Variants in TMEM123 observed in about 807,000 individuals in gnomAD.
The protein encoded by TMEM123 is porimin.
A neutral mutation model predicts 19.7 loss-of-function variants in TMEM123; 16 were observed. That is an observed-to-expected ratio of 0.81 (90% CI 0.55 to 1.23). The LOEUF (loss-of-function observed/expected upper bound fraction) is 1.23. TMEM123 is among the 50% of genes most tolerant of loss of function. TMEM123 has a pLI of 0.00. For missense variants in TMEM123, 313 were observed against 257.8 expected, an observed-to-expected ratio of 1.21 and a Z score of -1.47; for synonymous variants, 118 against 99.4, an observed-to-expected ratio of 1.19 and a Z score of -1.12.
chr11:102,399,632 TATG>T (rs1951892582), intron 4 of TMEM123, among the ~76,000 whole-genome samples: 2 of 152,358 alleles, frequency 1.3e-5, no homozygotes, highest in African/African-American at 4.8e-5. Flanking sequence ...GTGAGTTTGA[TATG>T]ATAAATATAT....
At chr11:102,438,876 G>T (rs1002345756) in intron 2 of TMEM123, among the ~76,000 whole-genome samples, 1 of 152,152 alleles carries the variant, frequency 6.6e-6, no homozygotes, top group Admixed American at 6.5e-5. Context: ...AGAAAATCGG[G>T]ACACTCCCAC....
At chr11:102,405,969 A>C (rs1951952595) in intron 2 of TMEM123, among the ~76,000 whole-genome samples, 1 of 152,224 alleles carries the variant, frequency 6.6e-6, no homozygotes, top group African/African-American at 2.4e-5. Flanking sequence ...TGGATGACCC[A>C]ATCTTCTTCT....
Position 102,401,912 on chromosome 11 carries a change from A to T in TMEM123, c.448+4T>A. 2 of 1,612,846 alleles carry T rather than the reference A, an allele frequency of 1.2e-6. No homozygotes were observed. The highest frequency in any genetic ancestry group is 1.7e-6 in the Non-Finnish European group (2 of 1,179,084). ...GGAAAAAAAAGGTCAGCTTTAATAC[A>T]TACTTGTTACTGATGAAGCAGCAGA... is the stretch of plus-strand genomic sequence containing the variant. On this transcript the variant is annotated splice_donor_region_variant and intron_variant, in intron 3 of 4. Coordinates refer to ENST00000398136, the MANE Select transcript of TMEM123 (RefSeq NM_052932.3).
rs57729827 is a variant in TMEM123 at position 102,426,859 on chromosome 11, TCCC to T, written c.157+21950_157+21952del. On this transcript the variant is annotated intron_variant, in intron 2 of 4. Coordinates refer to ENST00000398136, the MANE Select transcript of TMEM123 (RefSeq NM_052932.3). ...CATGGCTTAATGTTTTTAAAGTAGT[TCCC>T]CCCCCCCCCCCATTTATTGCTCAAA... is the stretch of plus-strand genomic sequence containing the variant. Among the ~76,000 whole-genome samples the T allele has an allele frequency of 6.8e-3, 28 of 4,136 alleles. 4 individuals carry two copies. The highest frequency in any genetic ancestry group is 0.017 in the African/African-American group (27 of 1,568). 2.7% of individuals were successfully genotyped at this position (4,136 alleles called of 152,430 possible). A position where few individuals can be genotyped will look rare whatever the true frequency, so the allele number is the denominator to read the frequency against.
At chr11:102,403,670 T>C (rs746245586) in intron 2 of TMEM123, among the ~76,000 whole-genome samples, 2 of 152,218 alleles carry the variant, frequency 1.3e-5, no homozygotes, top group Non-Finnish European at 2.9e-5. Flanking sequence ...ATATTGAAAT[T>C]TGATCTCCAA....
chr11:102,449,046 G>T, intron 1 of TMEM123, 178 bp from the exon 2 acceptor site: 2 of 587,600 alleles, frequency 3.4e-6, no homozygotes, highest in Non-Finnish European at 3.0e-6. Context: ...GTCAGTAAAA[G>T]GGACTGTATT....
chr11:102,424,204 G>A (rs921719527), intron 2 of TMEM123, among the ~76,000 whole-genome samples: 6 of 152,172 alleles, frequency 3.9e-5, no homozygotes, highest in Admixed American at 6.5e-5. Flanking sequence ...CTCAAGTGTA[G>A]GAACAAAGAC....
chr11:102,429,101 A>G (rs944188226), intron 2 of TMEM123, among the ~76,000 whole-genome samples: 4 of 152,126 alleles, frequency 2.6e-5, no homozygotes, highest in Admixed American at 1.3e-4. Flanking sequence ...AACAGTTAAC[A>G]CAGTCATTTT....
chr11:102,414,662 A>C (rs1240553051), intron 2 of TMEM123, among the ~76,000 whole-genome samples: 2 of 152,222 alleles, frequency 1.3e-5, no homozygotes, highest in African/African-American at 4.8e-5. Flanking sequence ...GGAATCCATT[A>C]CCACCAGACT....
intron 2 of TMEM123, among the ~76,000 whole-genome samples, chr11:102,444,350 G>A (rs1591567961): frequency 6.6e-6 from 1 of 152,084 alleles, no homozygotes; most frequent in Admixed American, 6.5e-5. Context: ...ACACATCATG[G>A]AATACTATGC....
In TMEM123 at chr11:102,439,056, G is replaced by A. The variant is rs1857796335; in HGVS notation, c.157+9756C>T. On this transcript the variant is annotated intron_variant, in intron 2 of 4. Coordinates refer to ENST00000398136, the MANE Select transcript of TMEM123 (RefSeq NM_052932.3). ...GGCTGGGGGAGGGGCGTCCGCCAGT[G>A]CTGAGGCTTGAGTAGGTAAACAAAG... Among the ~76,000 whole-genome samples the A allele has an allele frequency of 2.6e-5, 4 of 152,224 alleles. No individual in the cohort carries two copies. In the South Asian group the frequency reaches 6.2e-4, roughly 24 times the overall value.
chr11:102,424,264 CTA>C (rs1165612513), intron 2 of TMEM123, among the ~76,000 whole-genome samples: 2 of 152,212 alleles, frequency 1.3e-5, no homozygotes, highest in African/African-American at 4.8e-5. Flanking sequence ...TCTCACAAGA[CTA>C]TGATTATAAA....
chr11:102,396,652 AGC>A lies in TMEM123; in HGVS notation c.*2213_*2214del, dbSNP rs1951858484. On this transcript the variant is annotated 3_prime_UTR_variant, in exon 5 of 5. Transcript: ENST00000398136. ...TTTATGCTTAAGAAATATGGTCCAA[AGC>A]AAAATATTTTTTTGCATAACCATTT... 1 of 152,230 alleles carries A rather than the reference AGC, an allele frequency of 6.6e-6. No individual in the cohort carries two copies. The highest frequency in any genetic ancestry group is 2.4e-5 in the African/African-American group (1 of 41,458). 9.4% of individuals were successfully genotyped at this position (152,230 alleles called of 1,614,324 possible).
chr11:102,399,757 G>T (rs896126375), intron 4 of TMEM123, among the ~76,000 whole-genome samples: 1 of 152,056 alleles, frequency 6.6e-6, no homozygotes, highest in Non-Finnish European at 1.5e-5. Context: ...ATCACCTAAG[G>T]TCAGGAGTTT....
At chr11:102,406,868 CAAA>C (rs61413300) in intron 2 of TMEM123, among the ~76,000 whole-genome samples, 35 of 86,272 alleles carry the variant, frequency 4.1e-4, no homozygotes, top group African/African-American at 8.9e-4. Context: ...GAGGCTCCGT[CAAA>C]AAAAAAAAAA....
In TMEM123 at chr11:102,443,109, T is replaced by C. The variant is rs192275143; in HGVS notation, c.157+5703A>G. Among the ~76,000 whole-genome samples, 13 of 151,940 alleles carry C rather than the reference T, an allele frequency of 8.6e-5. No homozygotes were observed. The East Asian group carries it at 2.5e-3, about 29-fold the overall frequency. On this transcript the variant is annotated intron_variant, in intron 2 of 4. Coordinates refer to ENST00000398136, the MANE Select transcript of TMEM123 (RefSeq NM_052932.3). ...ACAGGAAGAATCAATATCGTGAAAA[T>C]GGCCATACTGCTCAAGGTAATTCAT... is the stretch of plus-strand genomic sequence containing the variant.
intron 2 of TMEM123, among the ~76,000 whole-genome samples, chr11:102,404,652 C>CCGCA (rs1951940069): frequency 6.6e-6 from 1 of 151,992 alleles, no homozygotes; most frequent in Non-Finnish European, 1.5e-5. Context: ...GGCTGGAGGG[C>CCGCA]CGGTGCCTGC....
intron 2 of TMEM123, among the ~76,000 whole-genome samples, chr11:102,439,171 C>T (rs1857797577): frequency 6.6e-6 from 1 of 152,166 alleles, no homozygotes; most frequent in Non-Finnish European, 1.5e-5. Context: ...GCAGGGCATA[C>T]ATAGCTGAAC....
rs1014531567 is a variant in TMEM123 at position 102,404,653 on chromosome 11, C to T, written c.158-2447G>A. On this transcript the variant is annotated intron_variant, in intron 2 of 4. Coordinates refer to ENST00000398136, the MANE Select transcript of TMEM123 (RefSeq NM_052932.3). ...TGCTCTGTCCCCCAGGCTGGAGGGC[C>T]GGTGCCTGCGATCTCGGCTCACTGT... Among the ~76,000 whole-genome samples the T allele has an allele frequency of 5.3e-5, 8 of 151,652 alleles. No individual in the cohort carries two copies. In the East Asian group the frequency reaches 9.8e-4, roughly 19 times the overall value.
Sources: allele counts gnomAD v4.1 joint callset (sites outside exome capture counted in the v4.1 genomes callset), GRCh38; gene constraint gnomAD v4.1.1; transcripts MANE v1.5; gene names NCBI Gene and HGNC (gene_info 2026-07-23, HGNC 2026-07-21).